NBEAL1: variants seen among roughly 807,000 people sequenced by gnomAD.
NBEAL1 encodes the protein neurobeachin like 1.
NBEAL1 carries 273 observed loss-of-function variants against 351.3 expected under a neutral mutation model. That is an observed-to-expected ratio of 0.78 (90% CI 0.70 to 0.86). The LOEUF is 0.86. Ranked by LOEUF, NBEAL1 falls within the 40% of genes least tolerant of loss-of-function variation. The pLI is 0.00. For synonymous variants in NBEAL1, 1,050 were observed against 1,086.4 expected, an observed-to-expected ratio of 0.97 and a Z score of 0.66; for missense variants, 2,961 against 3,201.3, an observed-to-expected ratio of 0.92 and a Z score of 1.81.
intron 2 of NBEAL1, among the ~76,000 whole-genome samples, chr2:203,039,322 C>T (rs1407529523): frequency 9.3e-5 from 5 of 53,550 alleles, no homozygotes; most frequent in African/African-American, 2.9e-4. Flanking sequence ...CCCCCCCTCC[C>T]CTCCCCCTCC....
intron 49 of NBEAL1, among the ~76,000 whole-genome samples, chr2:203,200,556 TG>T (rs1347225233): frequency 1.3e-5 from 2 of 150,880 alleles, no homozygotes; most frequent in Non-Finnish European, 2.9e-5. Flanking sequence ...TAGCCAGGCA[TG>T]GTAGTGGGAA....
At chr2:203,057,261 C>A (rs902452938) in intron 5 of NBEAL1, 65 bp from the exon 6 acceptor site, 89 of 1,415,836 alleles carry the variant, frequency 6.3e-5, no homozygotes, top group Admixed American at 1.7e-4. Context: ...TGTTTGAATA[C>A]AAATGACTTA....
chr2:203,150,608 G>T lies in NBEAL1; in HGVS notation c.5463-857G>T, dbSNP rs540350793. ...TGTTTTTATTTTTCTGTTTTTTTGG[G>T]TTTTTTTGGTGTCATATCTAAGAAA... On this transcript the variant is annotated intron_variant, in intron 34 of 55. Coordinates refer to ENST00000683969, the MANE Select transcript of NBEAL1 (RefSeq NM_001378026.1). Among the ~76,000 whole-genome samples the T allele has an allele frequency of 4.0e-5, 6 of 151,622 alleles. No homozygotes were observed. The East Asian group carries it at 1.2e-3, about 29-fold the overall frequency.
intron 7 of NBEAL1, among the ~76,000 whole-genome samples, chr2:203,071,351 G>A (rs1262208154): frequency 6.6e-6 from 1 of 152,118 alleles, no homozygotes; most frequent in African/African-American, 2.4e-5. Flanking sequence ...AAAGACTGTT[G>A]TCTCTTCCTC....
intron 31 of NBEAL1, among the ~76,000 whole-genome samples, chr2:203,143,733 A>G (rs1352944791): frequency 6.6e-6 from 1 of 152,208 alleles, no homozygotes; most frequent in African/African-American, 2.4e-5. Context: ...TATATCTTGA[A>G]TAGTGACTCT....
chr2:203,221,849 A>G lies in NBEAL1; in HGVS notation c.*4495A>G, dbSNP rs995062951. ...AGGCAACAATATAGTGTTATCAGTCATCATTTTAATATGATTTAAAATGTG... is the reference window on the plus strand; with the variant it reads ...AGGCAACAATATAGTGTTATCAGTCGTCATTTTAATATGATTTAAAATGTG... On this transcript the variant is annotated 3_prime_UTR_variant, in exon 56 of 56. Transcript: ENST00000683969. Among the ~76,000 whole-genome samples the G allele has an allele frequency of 5.3e-5, 8 of 152,204 alleles. No homozygotes were observed. The highest frequency in any genetic ancestry group is 1.2e-4 in the Non-Finnish European group (8 of 68,040).
rs576135248 is a variant in NBEAL1 at position 203,090,148 on chromosome 2, C to T, written c.1098+5579C>T. The stretch of plus-strand genomic sequence containing the variant: ...CCACATAACTGGCTTGAATGTTTGG[C>T]TGTAATTATTCACCTTATAAGTTCT... On this transcript the variant is annotated intron_variant, in intron 10 of 55. Coordinates refer to ENST00000683969, the MANE Select transcript of NBEAL1 (RefSeq NM_001378026.1). Among the ~76,000 whole-genome samples the T allele has an allele frequency of 6.6e-5, 10 of 152,146 alleles. No homozygotes were observed. In the South Asian group the frequency reaches 2.1e-3, roughly 32 times the overall value.
intron 6 of NBEAL1, among the ~76,000 whole-genome samples, chr2:203,059,878 C>T (rs1169174694): frequency 3.9e-5 from 6 of 152,176 alleles, no homozygotes; most frequent in Non-Finnish European, 8.8e-5. Context: ...AGACACTTAA[C>T]AGTGCTTCAT....
chr2:203,187,807 A>C (rs1343932497), intron 44 of NBEAL1, among the ~76,000 whole-genome samples: 1 of 152,138 alleles, frequency 6.6e-6, no homozygotes, highest in East Asian at 1.9e-4. Flanking sequence ...ACTTTATCAT[A>C]GGCATCTGAA....
At chr2:203,115,321 A>G (rs1378287169) in intron 17 of NBEAL1, among the ~76,000 whole-genome samples, 1 of 149,300 alleles carries the variant, frequency 6.7e-6, no homozygotes, top group Non-Finnish European at 1.5e-5. Context: ...TGGGGTTTTT[A>G]CCATGTTGGC....
intron 33 of NBEAL1, among the ~76,000 whole-genome samples, chr2:203,147,552 A>G (rs1261008638): frequency 6.6e-6 from 1 of 152,144 alleles, no homozygotes; most frequent in Non-Finnish European, 1.5e-5. Context: ...CACTGTATTC[A>G]TGAATTGGAA....
intron 4 of NBEAL1, among the ~76,000 whole-genome samples, chr2:203,051,526 A>G (rs1052867555): frequency 6.6e-6 from 1 of 151,292 alleles, no homozygotes; most frequent in Non-Finnish European, 1.5e-5. Flanking sequence ...AGCCTGGGTG[A>G]CGGAGCGAGA....
intron 10 of NBEAL1, among the ~76,000 whole-genome samples, chr2:203,087,174 C>CCT (rs1301900755): frequency 6.9e-6 from 1 of 145,898 alleles, no homozygotes; most frequent in Non-Finnish European, 1.5e-5. Context: ...GCTCACTGAA[C>CCT]CTCCGCCTCC....
In NBEAL1 at chr2:203,142,017, T is replaced by TC. The variant is rs748137989; in HGVS notation, c.4849-2578dup. The stretch of plus-strand genomic sequence containing the variant: ...TGTCTCCGGTTAGCCTGTTCCCTAC[T>TC]CCCCCTGTTGCCTTAGCTCAGCCAA... On this transcript the variant is annotated intron_variant, in intron 31 of 55. Transcript: ENST00000683969. Among the ~76,000 whole-genome samples, 5 of 152,276 alleles carry TC rather than the reference T, an allele frequency of 3.3e-5. No homozygotes were observed. In the East Asian group the frequency reaches 5.8e-4, roughly 18 times the overall value.
At chr2:203,042,217 G>C (rs1387351277) in intron 3 of NBEAL1, among the ~76,000 whole-genome samples, 1 of 152,204 alleles carries the variant, frequency 6.6e-6, no homozygotes, top group African/African-American at 2.4e-5. Context: ...AGACCAACTG[G>C]CTATAAATTC....
rs973856612 is a variant in NBEAL1, at chr2:203,221,286, T to C, written c.*3932T>C. Among the ~76,000 whole-genome samples the C allele has an allele frequency of 2.6e-5, 4 of 151,920 alleles. No individual in the cohort carries two copies. Among genetic ancestry groups the C allele is most frequent in the African/African-American group, 9.6e-5 (4 of 41,498 alleles). Reference sequence around the variant, plus strand: ...TGAACTTAAGGAAGTTAGCTCCTTTTATATATTTATAAAATGAGTAGCATT... The same window carrying C: ...TGAACTTAAGGAAGTTAGCTCCTTTCATATATTTATAAAATGAGTAGCATT... On this transcript the variant is annotated 3_prime_UTR_variant, in exon 56 of 56. Transcript: ENST00000683969.
intron 7 of NBEAL1, among the ~76,000 whole-genome samples, chr2:203,075,589 T>C (rs1000994865): frequency 4.6e-5 from 7 of 152,230 alleles, no homozygotes; most frequent in African/African-American, 1.7e-4. Flanking sequence ...CCTGTGCATA[T>C]TTCTGGAGCA....
At chr2:203,137,703 G>C (rs2106317882) in intron 29 of NBEAL1, among the ~76,000 whole-genome samples, 1 of 152,178 alleles carries the variant, frequency 6.6e-6, no homozygotes, top group African/African-American at 2.4e-5. Context: ...CCATTTATAG[G>C]CCTGGCATGG....
At chr2:203,071,004 C>A (rs1440524661) in intron 7 of NBEAL1, among the ~76,000 whole-genome samples, 1 of 152,138 alleles carries the variant, frequency 6.6e-6, no homozygotes, top group Non-Finnish European at 1.5e-5. Context: ...CCTCTAGTGA[C>A]CCTCCTTCCT....
Sources: gnomAD v4.1 joint callset for allele counts (sites outside exome capture counted in the v4.1 genomes callset) on GRCh38, gnomAD v4.1.1 for gene constraint, MANE v1.5 for transcripts, NCBI Gene and HGNC (gene_info 2026-07-23, HGNC 2026-07-21) for gene names.